The following PIGO variants were observed in gnomAD, a reference collection of about 807,000 sequenced individuals.
PIGO encodes the protein phosphatidylinositol glycan anchor biosynthesis class O.
In PIGO, 66 loss-of-function variants were observed where a neutral mutation model predicts 86.9. That is an observed-to-expected ratio of 0.76 (90% CI 0.62 to 0.93). The LOEUF is 0.93. Ranked by LOEUF, PIGO falls within the 40% of genes least tolerant of loss-of-function variation. The pLI, the probability that PIGO is intolerant of heterozygous loss-of-function variation, is 0.00. For missense variants in PIGO, 1,202 were observed against 1,359.1 expected, an observed-to-expected ratio of 0.88 and a Z score of 1.82; for synonymous variants, 570 against 556.4, an observed-to-expected ratio of 1.02 and a Z score of -0.34.
At chr9:35,093,395 C>T in intron 5 of PIGO, 26 bp downstream of exon 5, 9 of 1,613,596 alleles carry the variant, frequency 5.6e-6, no homozygotes, top group Non-Finnish European at 7.6e-6. Context: ...ACTGGGAGAA[C>T]AGATGAGGAA....
intron 1 of PIGO, 55 bp downstream of exon 1, chr9:35,096,100 A>G (rs925987102): frequency 6.6e-6 from 1 of 152,494 alleles, no homozygotes; most frequent in African/African-American, 2.4e-5. Flanking sequence ...TGCTGCCTGT[A>G]CATGTGAACA....
chr9:35,095,481 G>C lies in PIGO; in HGVS notation c.85C>G (p.Leu29Val). The change falls in exon 2 of 11, where the codon CTG becomes GTG. Residue 29 changes from leucine (L) to valine (V), a missense_variant. Coordinates refer to ENST00000378617, the MANE Select transcript of PIGO (RefSeq NM_032634.4). The part of the protein sequence containing the change: ...AGIALFTSGF[L>V]LTRLELTNHS... ...TTGGTGAGCTCCAAACGGGTGAGCA[G>C]GAAGCCACTGGTGAAGAGGGCAATG... The C allele has an allele frequency of 6.2e-7, 1 of 1,613,364 alleles. No homozygotes were observed. Among genetic ancestry groups the C allele is most frequent in the Non-Finnish European group, 8.5e-7 (1 of 1,179,716 alleles).
rs200656082 is a variant in PIGO, at chr9:35,094,005, G to A, written c.675C>T (p.Asp225=). 6.0e-5 allele frequency: 97 copies of A among 1,614,090 alleles called. No individual in the cohort carries two copies. The highest frequency in any genetic ancestry group is 4.4e-5 in the South Asian group (4 of 91,074). The change falls in exon 4 of 11, where the codon GAC becomes GAT. Residue 225 remains aspartate (D), a synonymous_variant. Transcript: ENST00000378617. ...LYPTMDSGEW[D]VLIAHFLGVD... ...CACCCAGGAAGTGAGCAATCAGCAC[G>A]TCCCATTCACCACTGTCCACTGTGA...
In PIGO at chr9:35,089,065, G is replaced by A. The variant is rs1319625810; in HGVS notation, c.*27C>T. 1 of 1,613,744 alleles carries A rather than the reference G, an allele frequency of 6.2e-7. No individual in the cohort carries two copies. The highest frequency in any genetic ancestry group is 2.2e-5 in the East Asian group (1 of 44,874). On this transcript the variant is annotated 3_prime_UTR_variant, in exon 11 of 11. Transcript: ENST00000378617. ...ACACTGTTCTCAAGCACTCTCTGTA[G>A]CCAAGTGCCAGTAATCACAGACTAG...
Position 35,092,440 on chromosome 9 carries a change from G to A in PIGO, c.1447C>T (p.Leu483Phe). 1.2e-6 allele frequency: 2 copies of A among 1,614,268 alleles called. No homozygotes were observed. Among genetic ancestry groups the A allele is most frequent in the South Asian group, 1.1e-5 (1 of 91,084 alleles). ...ISPGFPFCPL[L>F]LTPVAWGLVG... ...AGGCCCCAGGCCACAGGTGTCAGGA[G>A]TAGAGGGCAGAATGGAAAGCCTGGG... The change falls in exon 7 of 11, where the codon CTC becomes TTC. Residue 483 changes from leucine (L) to phenylalanine (F), a missense_variant. Coordinates refer to ENST00000378617, the MANE Select transcript of PIGO (RefSeq NM_032634.4).
Position 35,091,332 on chromosome 9 carries a change from G to A in PIGO, c.2555C>T (p.Ala852Val), listed in dbSNP as rs768909165. 7 of 1,614,062 alleles carry A rather than the reference G, an allele frequency of 4.3e-6. No homozygotes were observed. The highest frequency in any genetic ancestry group is 1.7e-5 in the Admixed American group (1 of 60,008). The change falls in exon 7 of 11, where the codon GCG becomes GTG. Residue 852 changes from alanine (A) to valine (V), a missense_variant. Coordinates refer to ENST00000378617, the MANE Select transcript of PIGO (RefSeq NM_032634.4). ...CAGGAACACAAGGCTGATGCGCTCC[G>A]CATGCAACAGCAGAAGTGGGAAGGC... The part of the protein sequence containing the change: ...LLAFPLLLLH[A>V]ERISLVFLLL...
At chr9:35,090,983 G>A (rs1829390446) in intron 7 of PIGO, 4 of 572,988 alleles carry the variant, frequency 7.0e-6, no homozygotes, top group Non-Finnish European at 1.2e-5. Context: ...GTGCTCATGA[G>A]GATGCAGCAT....
At position 35,090,177 on chromosome 9, in the gene PIGO, G is replaced by A. The variant is rs368361555; in HGVS notation, c.2958C>T (p.Pro986=). The change falls in exon 9 of 11, where the codon CCC becomes CCT. Residue 986 remains proline (P), a synonymous_variant. Coordinates refer to ENST00000378617, the MANE Select transcript of PIGO (RefSeq NM_032634.4). ...PGNEADARVR[P]EEEEEPLMEM... ...CCATCAGTGGCTCCTCTTCCTCCTC[G>A]GGTCTGACTCTGGCATCAGCTTCAT... The A allele has an allele frequency of 3.7e-6, 6 of 1,614,160 alleles. No individual in the cohort carries two copies. Among genetic ancestry groups the A allele is most frequent in the African/African-American group, 1.3e-5 (1 of 75,032 alleles).
At chr9:35,094,158 T>TA in intron 3 of PIGO, 58 bp downstream of exon 3, 1 of 1,561,034 alleles carries the variant, frequency 6.4e-7, no homozygotes, top group African/African-American at 1.4e-5. Flanking sequence ...ATTTGTGGAC[T>TA]AAAGCAGTTC....
chr9:35,094,089 G>T, intron 3 of PIGO, 65 bp from the exon 4 acceptor site: 14 of 1,584,634 alleles, frequency 8.8e-6, no homozygotes, highest in South Asian at 1.2e-5. Context: ...GCCAGGCTTT[G>T]ACACTCCTCT....
rs369433160 is a variant in PIGO, at chr9:35,092,225, C to T, written c.1662G>A (p.Leu554=). 1.2e-4 allele frequency: 201 copies of T among 1,614,210 alleles called. 3 individuals are homozygous for T. Among genetic ancestry groups the T allele is most frequent in the South Asian group, 1.2e-3 (109 of 91,088 alleles). Residue 554 remains leucine (L), a synonymous_variant, in exon 7 of 11, where the codon CTG becomes CTA. Coordinates refer to ENST00000378617, the MANE Select transcript of PIGO (RefSeq NM_032634.4). Reference sequence around the variant, plus strand: ...CAGAGAAGAACACAGCCAAGCGAAACAGCAGGAGTAACAGGACGGGCCCAG... The same window carrying T: ...CAGAGAAGAACACAGCCAAGCGAAATAGCAGGAGTAACAGGACGGGCCCAG... ...PIPGPVLLLL[L]FRLAVFFSDS...
chr9:35,089,756 T>C (rs1829328632), intron 9 of PIGO: 1 of 1,394,068 alleles, frequency 7.2e-7, no homozygotes, highest in Admixed American at 3.1e-5. Flanking sequence ...AGAGGATCCA[T>C]GACCACAGTT....
rs1294225975 is a variant in PIGO, at chr9:35,091,271, C to G, written c.2616G>C (p.Leu872=). 1 of 1,605,264 alleles carries G rather than the reference C, an allele frequency of 6.2e-7. No homozygotes were observed. Among genetic ancestry groups the G allele is most frequent in the African/African-American group, 1.3e-5 (1 of 74,676 alleles). ...LFLQSFLLLH[L]LAAGIPVTTP... ...TGGTGACGGGTATCCCAGCAGCAAG[C>G]AGATGTAGGAGAAGGAAGCTCTGCA... is the stretch of plus-strand genomic sequence containing the variant. Residue 872 remains leucine, a synonymous_variant, in exon 7 of 11, where the codon CTG becomes CTC. Coordinates refer to ENST00000378617, the MANE Select transcript of PIGO (RefSeq NM_032634.4).
Position 35,091,372 on chromosome 9 carries a change from CTG to C in PIGO, c.2513_2514del (p.Thr838SerfsTer127), listed in dbSNP as rs746677542. ...LGSVYSAAMV[T>X]ALTLLAFPLL... Reference sequence around the variant, plus strand: ...AGTGGGAAGGCCAACAGGGTGAGGGCTGTGACCATAGCAGCTGAGTAGACACT... The same window carrying C: ...AGTGGGAAGGCCAACAGGGTGAGGGCTGACCATAGCAGCTGAGTAGACACT... On this transcript the variant is annotated frameshift_variant, in exon 7 of 11. Coordinates refer to ENST00000378617, the MANE Select transcript of PIGO (RefSeq NM_032634.4). LOFTEE classifies it high-confidence loss of function. The C allele has an allele frequency of 6.2e-7, 1 of 1,614,224 alleles. No homozygotes were observed. Among genetic ancestry groups the C allele is most frequent in the African/African-American group, 1.3e-5 (1 of 75,066 alleles).
chr9:35,092,708 A>G lies in PIGO; in HGVS notation c.1179T>C (p.Leu393=). The G allele has an allele frequency of 6.2e-7, 1 of 1,613,998 alleles. No individual in the cohort carries two copies. The highest frequency in any genetic ancestry group is 8.5e-7 in the Non-Finnish European group (1 of 1,180,016). Residue 393 remains leucine, a synonymous_variant, in exon 7 of 11, where the codon CTT becomes CTC. Transcript: ENST00000378617. Reference sequence around the variant, plus strand: ...TGGAGAAGAGGTTCTGCAGCTGATGAAGCTCCTTAGCTTGAAGGTCCTGAG... The same window carrying G: ...TGGAGAAGAGGTTCTGCAGCTGATGGAGCTCCTTAGCTTGAAGGTCCTGAG... ...AATQDLQAKE[L]HQLQNLFSKA... is the part of the protein sequence containing the mutation.
At position 35,095,527 on chromosome 9, in the gene PIGO, G is replaced by C. The variant is rs1200610289; in HGVS notation, c.39C>G (p.Val13=). The change falls in exon 2 of 11, where the codon GTC becomes GTG. Residue 13 remains valine (V), a synonymous_variant. Transcript: ENST00000378617. Reference sequence around the variant, plus strand: ...CAATGCCAGCGTAGAAGAGGAAGCAGACCCAGGCCAGGAAGAGCAACACTG... The same window carrying C: ...CAATGCCAGCGTAGAAGAGGAAGCACACCCAGGCCAGGAAGAGCAACACTG... ...KASVLLFLAW[V]CFLFYAGIAL... is the part of the protein sequence containing the mutation. The C allele has an allele frequency of 6.2e-6, 10 of 1,601,216 alleles. No homozygotes were observed. The highest frequency in any genetic ancestry group is 6.0e-6 in the Non-Finnish European group (7 of 1,173,152).
chr9:35,090,768 A>C, intron 7 of PIGO, 96 bp from the exon 8 acceptor site: 11 of 1,202,266 alleles, frequency 9.1e-6, no homozygotes, highest in Non-Finnish European at 1.2e-5. Context: ...TTCAGTATCA[A>C]TTCTCATACA....
chr9:35,093,383 T>C, intron 5 of PIGO, 38 bp downstream of exon 5: 1 of 1,613,242 alleles, frequency 6.2e-7, no homozygotes, highest in South Asian at 1.1e-5. Context: ...CATGGGCTGA[T>C]TACTGGGAGA....
intron 7 of PIGO, 126 bp from the exon 8 acceptor site, chr9:35,090,798 C>G: frequency 4.5e-6 from 4 of 888,538 alleles, no homozygotes; most frequent in Non-Finnish European, 6.7e-6. Context: ...GCCTATCAGC[C>G]CAACCTCCTT....
Sources: gnomAD v4.1 joint callset for allele counts on GRCh38, gnomAD v4.1.1 for gene constraint, MANE v1.5 for transcripts, NCBI Gene and HGNC (gene_info 2026-07-23, HGNC 2026-07-21) for gene names.